Variants in MAGI2 observed in about 807,000 individuals in gnomAD.
MAGI2 encodes the protein membrane associated guanylate kinase, WW and PDZ domain containing 2.
Under a neutral mutation model 133.3 loss-of-function variants are expected in MAGI2, and 35 were observed. The ratio of observed to expected loss-of-function variants is 0.26; its 90% CI spans 0.20 to 0.35. MAGI2 has a LOEUF of 0.35. Among genes scored for constraint, MAGI2 ranks in the 10% least tolerant of loss-of-function variants. MAGI2 has a pLI of 1.00. For synonymous variants in MAGI2, 729 were observed against 710.6 expected (o/e 1.03, Z -0.41); for missense variants, 1,636 against 1,863.4 (o/e 0.88, Z 2.25).
intron 1 of MAGI2, among the ~76,000 whole-genome samples, chr7:79,307,410 G>C (rs964352616): frequency 1.3e-5 from 2 of 152,100 alleles, no homozygotes; most frequent in African/African-American, 2.4e-5. Flanking sequence ...AAAGAATTAC[G>C]ATATGGATTA....
At chr7:79,135,277 A>C (rs565007040) in intron 1 of MAGI2, among the ~76,000 whole-genome samples, 1 of 152,320 alleles carries the variant, frequency 6.6e-6, no homozygotes, top group African/African-American at 2.4e-5. Flanking sequence ...GAGATATTCC[A>C]ATATTATTTT....
chr7:78,461,645 C>T (rs747173759), intron 6 of MAGI2, among the ~76,000 whole-genome samples: 77 of 152,064 alleles, frequency 5.1e-4, no homozygotes, highest in Middle Eastern at 6.8e-3. Context: ...GACGCAGTGG[C>T]TCATGCCTGT....
At chr7:79,193,302 G>A (rs1394628994) in intron 1 of MAGI2, among the ~76,000 whole-genome samples, 3 of 151,956 alleles carry the variant, frequency 2.0e-5, no homozygotes, top group African/African-American at 4.8e-5. Context: ...GGGAAAGATA[G>A]GGCAACCCAT....
intron 9 of MAGI2, among the ~76,000 whole-genome samples, chr7:78,329,755 T>C (rs547754886): frequency 8.5e-5 from 13 of 152,334 alleles, no homozygotes; most frequent in African/African-American, 3.1e-4. Flanking sequence ...GTTACTGATC[T>C]GTAAAACGTG....
chr7:79,004,073 A>G (rs1031556269), intron 2 of MAGI2, among the ~76,000 whole-genome samples: 5 of 152,208 alleles, frequency 3.3e-5, no homozygotes, highest in Non-Finnish European at 7.3e-5. Context: ...TAGAATTGCC[A>G]TATGGTTCAG....
intron 2 of MAGI2, among the ~76,000 whole-genome samples, chr7:78,923,625 C>T (rs542626510): frequency 1.3e-4 from 20 of 152,136 alleles, no homozygotes; most frequent in East Asian, 5.8e-4. Context: ...AGTCAGGTAG[C>T]GTGATGCCTC....
chr7:78,263,232 A>G (rs1293642781), intron 9 of MAGI2, among the ~76,000 whole-genome samples: 1 of 152,160 alleles, frequency 6.6e-6, no homozygotes, highest in African/African-American at 2.4e-5. Context: ...GTAGGCACCT[A>G]GATTGATTCC....
intron 1 of MAGI2, among the ~76,000 whole-genome samples, chr7:79,112,790 T>C (rs2129544037): frequency 6.6e-6 from 1 of 152,328 alleles, no homozygotes; most frequent in South Asian, 2.1e-4. Flanking sequence ...AATGACTGCA[T>C]GATGAAACTG....
At chr7:78,890,596 T>C (rs1796659655) in intron 2 of MAGI2, among the ~76,000 whole-genome samples, 1 of 152,046 alleles carries the variant, frequency 6.6e-6, no homozygotes. Flanking sequence ...CTCAACTACA[T>C]GGAAACTGAA....
intron 1 of MAGI2, among the ~76,000 whole-genome samples, chr7:79,151,730 A>G (rs1351340791): frequency 6.6e-6 from 1 of 152,210 alleles, no homozygotes; most frequent in Non-Finnish European, 1.5e-5. Context: ...ATAGAAAAGT[A>G]ATAAGAAAAA....
rs576020403 is a variant in MAGI2 at position 79,035,123 on chromosome 7, T to C, written c.302-27917A>G. Among the ~76,000 whole-genome samples, 111 of 152,066 alleles carry C rather than the reference T, an allele frequency of 7.3e-4. 2 individuals carry two copies. The highest frequency in any genetic ancestry group is 2.7e-3 in the African/African-American group (110 of 41,446). On this transcript the variant is annotated intron_variant, in intron 1 of 21. Coordinates refer to ENST00000354212, the MANE Select transcript of MAGI2 (RefSeq NM_012301.4). Reference sequence around the variant, plus strand: ...GCATGAAATCCTTGCTATAAAGTATTTGTTTTGGAACATCTACTTTCCAAA... The same window carrying C: ...GCATGAAATCCTTGCTATAAAGTATCTGTTTTGGAACATCTACTTTCCAAA...
chr7:78,867,245 G>A (rs1794638277), intron 2 of MAGI2, among the ~76,000 whole-genome samples: 1 of 151,394 alleles, frequency 6.6e-6, no homozygotes, highest in South Asian at 2.1e-4. Flanking sequence ...GCACACGTAT[G>A]TTTATTGCGG....
intron 9 of MAGI2, among the ~76,000 whole-genome samples, chr7:78,271,040 C>A (rs1794518268): frequency 6.6e-6 from 1 of 152,050 alleles, no homozygotes; most frequent in South Asian, 2.1e-4. Flanking sequence ...CTGTCTTGTG[C>A]CAGTTTTCAA....
intron 2 of MAGI2, among the ~76,000 whole-genome samples, chr7:78,655,503 C>G (rs1812132976): frequency 6.9e-6 from 1 of 144,644 alleles, no homozygotes; most frequent in Non-Finnish European, 1.5e-5. Context: ...AGGTAACCTG[C>G]TCTTACAGCA....
chr7:78,891,160 C>T (rs932415096), intron 2 of MAGI2, among the ~76,000 whole-genome samples: 1 of 152,144 alleles, frequency 6.6e-6, no homozygotes, highest in East Asian at 1.9e-4. Flanking sequence ...CACATACACC[C>T]TCCCAAGACT....
chr7:78,208,523 A>G (rs1787353410), intron 10 of MAGI2, among the ~76,000 whole-genome samples: 2 of 152,176 alleles, frequency 1.3e-5, no homozygotes, highest in South Asian at 4.1e-4. Flanking sequence ...ACAACTACAA[A>G]GGGCTTTTTA....
intron 1 of MAGI2, among the ~76,000 whole-genome samples, chr7:79,104,334 CA>C (rs1259692897): frequency 6.6e-6 from 1 of 152,116 alleles, no homozygotes; most frequent in Non-Finnish European, 1.5e-5. Context: ...TCTAGTGCTT[CA>C]AACATGACAT....
At position 78,499,169 on chromosome 7, in the gene MAGI2, T is replaced by A. The variant is rs57998933; in HGVS notation, c.965+2408A>T. On this transcript the variant is annotated intron_variant, in intron 5 of 21. Coordinates refer to ENST00000354212, the MANE Select transcript of MAGI2 (RefSeq NM_012301.4). ...TAAGATTTACCAACTAATACATACT[T>A]CTCTAGTAGGGTCAGGGGCTTCCTC... 2.5e-3 allele frequency among the ~76,000 whole-genome samples: 373 copies of A among 152,220 alleles called. 5 individuals carry two copies. The highest frequency in any genetic ancestry group is 8.5e-3 in the African/African-American group (352 of 41,540).
At chr7:78,317,305 T>C (rs1364226671) in intron 9 of MAGI2, among the ~76,000 whole-genome samples, 3 of 152,306 alleles carry the variant, frequency 2.0e-5, no homozygotes, top group African/African-American at 7.2e-5. Context: ...GATGTATTAT[T>C]ATATCCCACC....
Sources: allele counts gnomAD v4.1 joint callset (sites outside exome capture counted in the v4.1 genomes callset), GRCh38; gene constraint gnomAD v4.1.1; transcripts MANE v1.5; gene names NCBI Gene and HGNC (gene_info 2026-07-23, HGNC 2026-07-21).